ZDHHC14: variants seen among roughly 807,000 people sequenced by gnomAD.
ZDHHC14 encodes zDHHC palmitoyltransferase 14.
Under a neutral mutation model 47.7 loss-of-function variants are expected in ZDHHC14, and 16 were observed. That is an observed-to-expected ratio of 0.34 (90% confidence interval 0.23 to 0.51). The LOEUF (loss-of-function observed/expected upper bound fraction) is 0.51. Ranked by LOEUF, ZDHHC14 falls within the 20% of genes least tolerant of loss-of-function variation. The pLI, the probability that ZDHHC14 is intolerant of heterozygous loss-of-function variation, is 0.97. For missense variants in ZDHHC14, 515 were observed against 662.5 expected (o/e 0.78, Z 2.44); for synonymous variants, 293 against 278.9 (o/e 1.05, Z -0.50).
At chr6:157,528,438 A>G (rs1781238433) in intron 1 of ZDHHC14, among the ~76,000 whole-genome samples, 1 of 151,866 alleles carries the variant, frequency 6.6e-6, no homozygotes, top group Admixed American at 6.6e-5. Flanking sequence ...AATTAATTTA[A>G]AAAGCACGAT....
At chr6:157,667,480 A>G (rs1044169304) in intron 8 of ZDHHC14, among the ~76,000 whole-genome samples, 4 of 152,134 alleles carry the variant, frequency 2.6e-5, no homozygotes, top group African/African-American at 9.7e-5. Flanking sequence ...AAAAGAGAAG[A>G]CGGAAAAAGG....
intron 7 of ZDHHC14, among the ~76,000 whole-genome samples, chr6:157,648,958 C>A (rs1045822249): frequency 1.3e-5 from 2 of 152,220 alleles, no homozygotes; most frequent in Non-Finnish European, 1.5e-5. Context: ...CCAAATCTCC[C>A]TTCTTGTTCC....
At position 157,586,341 on chromosome 6, in the gene ZDHHC14, G is replaced by A. The variant is rs1783696809; in HGVS notation, c.407-6647G>A. 1.3e-5 allele frequency among the ~76,000 whole-genome samples: 2 copies of A among 152,190 alleles called. No individual in the cohort carries two copies. The highest frequency in any genetic ancestry group is 4.1e-4 in the South Asian group (2 of 4,826). On this transcript the variant is annotated intron_variant, in intron 2 of 8. Transcript: ENST00000359775. The surrounding 1 kb of genome is among the most constrained non-coding windows in gnomAD (Gnocchi z 4.6). The stretch of plus-strand genomic sequence containing the variant: ...GCTGGAACTGGCCCTCAAAGGATAG[G>A]ATTATCTGCGCAGACAGCAGGAGAG...
At chr6:157,580,211 G>T (rs1252352526) in intron 2 of ZDHHC14, among the ~76,000 whole-genome samples, 1 of 152,074 alleles carries the variant, frequency 6.6e-6, no homozygotes, top group Non-Finnish European at 1.5e-5. Flanking sequence ...ACTGATCTAT[G>T]TATGTTGAAC....
intron 3 of ZDHHC14, among the ~76,000 whole-genome samples, chr6:157,608,012 G>A (rs1784607232): frequency 6.6e-6 from 1 of 152,214 alleles, no homozygotes; most frequent in African/African-American, 2.4e-5. Context: ...AGTAACCAGT[G>A]TCTACCTGGT....
At chr6:157,392,522 A>G (rs1003584819) in intron 1 of ZDHHC14, among the ~76,000 whole-genome samples, 30 of 151,972 alleles carry the variant, frequency 2.0e-4, no homozygotes, top group Admixed American at 2.0e-4. Flanking sequence ...GGAAGCCTTG[A>G]TAGCAAGGGT....
chr6:157,658,641 T>C lies in ZDHHC14; in HGVS notation c.1068+5014T>C, dbSNP rs571871784. On this transcript the variant is annotated intron_variant, in intron 8 of 8. Coordinates refer to ENST00000359775, the MANE Select transcript of ZDHHC14 (RefSeq NM_024630.3). ...TGTTGCTTTTCTTATTTGTCTCCTA[T>C]TTCTTGAATTTATGGGATAAATCCT... Among the ~76,000 whole-genome samples the C allele has an allele frequency of 1.1e-4, 16 of 152,356 alleles. No homozygotes were observed. The South Asian group carries it at 3.3e-3, about 32-fold the overall frequency.
chr6:157,499,606 A>G (rs560022109), intron 1 of ZDHHC14, among the ~76,000 whole-genome samples: 73 of 152,264 alleles, frequency 4.8e-4, no homozygotes, highest in Non-Finnish European at 8.5e-4. Context: ...CTGCCTCACC[A>G]AAAGGGTTTT....
chr6:157,605,588 G>A (rs1228879544), intron 3 of ZDHHC14, among the ~76,000 whole-genome samples: 1 of 152,178 alleles, frequency 6.6e-6, no homozygotes, highest in African/African-American at 2.4e-5. Context: ...GGTAAGAACT[G>A]GAAGGCAGCC....
intron 2 of ZDHHC14, among the ~76,000 whole-genome samples, chr6:157,568,970 G>C (rs1783004949): frequency 6.6e-6 from 1 of 151,812 alleles, no homozygotes; most frequent in Non-Finnish European, 1.5e-5. Context: ...TTATTTATTA[G>C]AGCTCTTTAA....
At chr6:157,510,493 C>T (rs1437983451) in intron 1 of ZDHHC14, among the ~76,000 whole-genome samples, 1 of 152,176 alleles carries the variant, frequency 6.6e-6, no homozygotes, top group Non-Finnish European at 1.5e-5. Context: ...ACCCACTAGG[C>T]CATGTCTTAC....
intron 1 of ZDHHC14, among the ~76,000 whole-genome samples, chr6:157,541,539 C>T (rs1354769953): frequency 6.6e-6 from 1 of 152,200 alleles, no homozygotes; most frequent in African/African-American, 2.4e-5. Flanking sequence ...AGAAGAGAAT[C>T]TTCTGATGAG....
At chr6:157,592,911 C>T in intron 2 of ZDHHC14, 77 bp from the exon 3 acceptor site, 1 of 1,514,212 alleles carries the variant, frequency 6.6e-7, no homozygotes, top group Non-Finnish European at 8.8e-7. Context: ...CTGGAGCTTA[C>T]ACTCCAGGCG....
At chr6:157,547,968 G>T (rs1339052636) in intron 2 of ZDHHC14, among the ~76,000 whole-genome samples, 3 of 151,398 alleles carry the variant, frequency 2.0e-5, no homozygotes, top group African/African-American at 4.8e-5. Flanking sequence ...TGGTTTCATT[G>T]ATTTGGTTTC....
chr6:157,638,130 T>A (rs889971579), intron 5 of ZDHHC14, among the ~76,000 whole-genome samples: 6 of 152,008 alleles, frequency 3.9e-5, no homozygotes, highest in Non-Finnish European at 5.9e-5. Flanking sequence ...AGGCCCTAGA[T>A]GACTGTGACA....
chr6:157,483,720 G>T (rs938231547), intron 1 of ZDHHC14, among the ~76,000 whole-genome samples: 1 of 152,138 alleles, frequency 6.6e-6, no homozygotes, highest in African/African-American at 2.4e-5. Flanking sequence ...CTTTGCATCC[G>T]TGGACCTTCC....
chr6:157,409,347 C>G (rs1401370715), intron 1 of ZDHHC14, among the ~76,000 whole-genome samples: 2 of 152,160 alleles, frequency 1.3e-5, no homozygotes, highest in African/African-American at 4.8e-5. Flanking sequence ...CCCATCAGGT[C>G]TTCTGGTTGG....
At chr6:157,415,585 G>A (rs1292203332) in intron 1 of ZDHHC14, among the ~76,000 whole-genome samples, 1 of 152,180 alleles carries the variant, frequency 6.6e-6, no homozygotes, top group Non-Finnish European at 1.5e-5. Flanking sequence ...ATTAAAAGTT[G>A]GTGGCAAGGC....
chr6:157,395,262 G>C (rs183629501), intron 1 of ZDHHC14, among the ~76,000 whole-genome samples: 261 of 151,348 alleles, frequency 1.7e-3, no homozygotes, highest in Non-Finnish European at 2.5e-3. Flanking sequence ...CTGGGCTCAA[G>C]CAATCCTCCC....
Sources: allele counts gnomAD v4.1 joint callset (sites outside exome capture counted in the v4.1 genomes callset), GRCh38; gene constraint gnomAD v4.1.1; non-coding constraint Gnocchi (gnomAD v3.1); transcripts MANE v1.5; gene names NCBI Gene and HGNC (gene_info 2026-07-23, HGNC 2026-07-21).